Variants in TANK observed in about 807,000 individuals in gnomAD.
The protein encoded by TANK is TRAF family member associated NFKB activator.
TANK carries 15 observed loss-of-function variants against 43.6 expected under a neutral mutation model. That is an observed-to-expected ratio of 0.34 (90% CI 0.23 to 0.53). The LOEUF (loss-of-function observed/expected upper bound fraction) is 0.53, where lower values mean the gene tolerates loss of function less well. TANK is among the 20% of genes least tolerant of loss of function. TANK has a pLI of 0.94. For synonymous variants in TANK, 162 were observed against 178.2 expected, an observed-to-expected ratio of 0.91 and a Z score of 0.73; for missense variants, 417 against 498.6, an observed-to-expected ratio of 0.84 and a Z score of 1.56.
chr2:161,188,154 G>A (rs1202874922), intron 2 of TANK, among the ~76,000 whole-genome samples: 1 of 151,210 alleles, frequency 6.6e-6, no homozygotes, highest in Non-Finnish European at 1.5e-5. Flanking sequence ...ACTAGAGAAA[G>A]AACTAAACCC....
rs1410712557 is a variant in TANK, at chr2:161,196,630, G to A, written c.100-6857G>A. 6.6e-5 allele frequency among the ~76,000 whole-genome samples: 10 copies of A among 152,004 alleles called. No homozygotes were observed. The South Asian group carries it at 1.0e-3, about 16-fold the overall frequency. On this transcript the variant is annotated intron_variant, in intron 2 of 7. Transcript: ENST00000392749. ...AGCACTATGGCAGGCCGAGGCAGGC[G>A]GATCACTTGAGGTCAGGAGTTCAAA...
chr2:161,190,895 AC>A (rs751299277), intron 2 of TANK, among the ~76,000 whole-genome samples: 5 of 152,122 alleles, frequency 3.3e-5, no homozygotes, highest in Admixed American at 6.6e-5. Context: ...TGGCTGCACA[AC>A]AATGTGAATT....
At chr2:161,175,004 C>T (rs1198916396) in intron 1 of TANK, among the ~76,000 whole-genome samples, 1 of 152,128 alleles carries the variant, frequency 6.6e-6, no homozygotes, top group Non-Finnish European at 1.5e-5. Context: ...TATATCTCAA[C>T]ACTCTATTCA....
At chr2:161,179,799 G>A in intron 2 of TANK, 38 bp downstream of exon 2, 1 of 1,574,996 alleles carries the variant, frequency 6.3e-7, no homozygotes, top group Non-Finnish European at 8.6e-7. Context: ...TCTTTATCTT[G>A]GTACATGGAA....
At chr2:161,150,589 CTTTTTTT>C (rs989283972) in intron 1 of TANK, among the ~76,000 whole-genome samples, 7 of 121,472 alleles carry the variant, frequency 5.8e-5, no homozygotes, top group South Asian at 2.6e-4. Flanking sequence ...TCTTCTTCTT[CTTTTTTT>C]TTTTTTTTTT....
chr2:161,161,079 G>A (rs542541906), intron 1 of TANK: 1 of 847,766 alleles, frequency 1.2e-6, no homozygotes, highest in South Asian at 2.0e-5. Flanking sequence ...AGCCAACCCC[G>A]CCCACAGTGG....
chr2:161,149,604 T>C (rs1295889006), intron 1 of TANK, among the ~76,000 whole-genome samples: 2 of 152,210 alleles, frequency 1.3e-5, no homozygotes, highest in African/African-American at 4.8e-5. Flanking sequence ...CCATTTGATA[T>C]GTTGTTACCT....
chr2:161,193,954 C>T (rs911251699), intron 2 of TANK, among the ~76,000 whole-genome samples: 1 of 152,064 alleles, frequency 6.6e-6, no homozygotes, highest in Admixed American at 6.6e-5. Context: ...GCTGACTACG[C>T]CAAAATTGCC....
At chr2:161,226,856 A>T (rs936514290) in intron 6 of TANK, among the ~76,000 whole-genome samples, 2 of 17,640 alleles carry the variant, frequency 1.1e-4, no homozygotes, top group Non-Finnish European at 6.8e-4. Flanking sequence ...GGTAACAAAC[A>T]TCCATGAGAA....
chr2:161,181,771 T>C (rs1314928264), intron 2 of TANK, among the ~76,000 whole-genome samples: 1 of 152,118 alleles, frequency 6.6e-6, no homozygotes, highest in African/African-American at 2.4e-5. Flanking sequence ...GCATGAGATT[T>C]GGGTGGGTAC....
intron 4 of TANK, chr2:161,216,557 G>T: frequency 4.9e-6 from 1 of 205,312 alleles, no homozygotes; most frequent in Non-Finnish European, 1.0e-5. Context: ...ACTAGGTCTT[G>T]GTAGTTTATT....
upstream of TANK, among the ~76,000 whole-genome samples, chr2:161,157,203 T>C (rs910760925): frequency 1.3e-5 from 2 of 152,240 alleles, no homozygotes; most frequent in South Asian, 4.1e-4. Context: ...AAAAAGTACA[T>C]GTCCATTTCA....
At chr2:161,151,073 T>C (rs1218111074) in intron 1 of TANK, among the ~76,000 whole-genome samples, 1 of 152,250 alleles carries the variant, frequency 6.6e-6, no homozygotes, top group Admixed American at 6.5e-5. Flanking sequence ...AATTTGCACA[T>C]ATTTGTAAAT....
intron 1 of TANK, chr2:161,162,664 ATT>A (rs1230553500): frequency 1.3e-5 from 2 of 152,110 alleles, no homozygotes; most frequent in Non-Finnish European, 2.9e-5. Flanking sequence ...TATCTAATAA[ATT>A]ATATTTATCA....
chr2:161,234,897 TTTGA>T (rs1299063330), intron 7 of TANK, among the ~76,000 whole-genome samples: 6 of 152,234 alleles, frequency 3.9e-5, no homozygotes, highest in Admixed American at 6.5e-5. Context: ...TGAAATTGAT[TTTGA>T]TTAAGACGCA....
At chr2:161,178,465 A>C (rs1379630566) in intron 1 of TANK, among the ~76,000 whole-genome samples, 1 of 142,866 alleles carries the variant, frequency 7.0e-6, no homozygotes, top group African/African-American at 2.6e-5. Context: ...TCGTAGAGAC[A>C]AAAAAAAAAA....
At position 161,203,523 on chromosome 2, in the gene TANK, G is replaced by A. The variant is rs1380783223; in HGVS notation, c.136G>A (p.Glu46Lys). ...NYEQRIREQQEQLSLQQTIID... is the reference protein window; with the variant it reads ...NYEQRIREQQKQLSLQQTIID... ...TGAGCAGAGAATACGTGAACAACAG[G>A]AACAGCTGTCACTTCAACAGACTAT... The change falls in exon 3 of 8, where the codon GAA becomes AAA. Residue 46 changes from glutamate to lysine, a missense_variant. By Grantham distance (56) the Glu-to-Lys change is moderately conservative. Transcript: ENST00000392749. 1 of 1,612,128 alleles carries A rather than the reference G, an allele frequency of 6.2e-7. No individual in the cohort carries two copies. Among genetic ancestry groups the A allele is most frequent in the Admixed American group, 1.7e-5 (1 of 59,506 alleles).
intron 2 of TANK, chr2:161,197,656 T>A (rs1055678563): frequency 1.9e-4 from 30 of 154,538 alleles, no homozygotes; most frequent in African/African-American, 7.2e-4. Flanking sequence ...ACCTCATTGC[T>A]GCATCATCTA....
intron 2 of TANK, among the ~76,000 whole-genome samples, chr2:161,190,132 A>G (rs1316227647): frequency 1.3e-5 from 2 of 152,184 alleles, no homozygotes; most frequent in Non-Finnish European, 2.9e-5. Flanking sequence ...CTCAACAACA[A>G]CAAAACCTGG....
Sources: gnomAD v4.1 joint callset for allele counts (sites outside exome capture counted in the v4.1 genomes callset) on GRCh38, gnomAD v4.1.1 for gene constraint, MANE v1.5 for transcripts, NCBI Gene and HGNC (gene_info 2026-07-23, HGNC 2026-07-21) for gene names.